The following FRMPD2 variants were observed in gnomAD, a reference collection of about 807,000 sequenced individuals.
The protein encoded by FRMPD2 is FERM and PDZ domain-containing protein 2.
In FRMPD2, 96 loss-of-function variants were observed where a neutral mutation model predicts 140.1. That is an observed-to-expected ratio of 0.69 (90% CI 0.58 to 0.81). The LOEUF (loss-of-function observed/expected upper bound fraction) is 0.81, where lower values mean the gene tolerates loss of function less well. Among genes scored for constraint, FRMPD2 ranks in the 40% least tolerant of loss-of-function variants. FRMPD2 has a pLI of 0.00. For missense variants in FRMPD2, 1,240 were observed against 1,447.4 expected, an observed-to-expected ratio of 0.86 and a Z score of 2.32; for synonymous variants, 449 against 547.6, an observed-to-expected ratio of 0.82 and a Z score of 2.52.
At chr10:48,231,178 C>T (rs1564433016) in intron 10 of FRMPD2, among the ~76,000 whole-genome samples, 1 of 152,204 alleles carries the variant, frequency 6.6e-6, no homozygotes, top group Non-Finnish European at 1.5e-5. Flanking sequence ...AGAGCAATAA[C>T]TTGATCAAAA....
chr10:48,201,325 A>C lies in FRMPD2; in HGVS notation c.1857T>G (p.Asp619Glu), dbSNP rs1432951497. The part of the protein sequence containing the change: ...VTGKKHTFVT[D>E]SAKTSKYLLD... ...GTAAGTATTTACTGGTCTTGGCTGAATCTGTGACAAATGTGTGCTTCTTCC... is the reference window on the plus strand; with the variant it reads ...GTAAGTATTTACTGGTCTTGGCTGACTCTGTGACAAATGTGTGCTTCTTCC... Residue 619 changes from aspartate (D) to glutamate (E), a missense_variant, in exon 15 of 29, where the codon GAT becomes GAG. Physicochemically the swap from Asp to Glu is conservative, Grantham distance 45. Around this residue, in one of 6 missense-constraint regions of FRMPD2, gnomAD observed 1,161 missense variants for 1,055.9 expected, o/e 1.10. Transcript: ENST00000374201. The C allele has an allele frequency of 6.2e-7, 1 of 1,613,840 alleles. No individual in the cohort carries two copies. Among genetic ancestry groups the C allele is most frequent in the East Asian group, 2.2e-5 (1 of 44,898 alleles).
chr10:48,167,496 C>A (rs1838126922), intron 27 of FRMPD2, among the ~76,000 whole-genome samples: 1 of 94,186 alleles, frequency 1.1e-5, no homozygotes, highest in Admixed American at 1.2e-4. Context: ...CATCTCTGCT[C>A]CAGGGCTCCC....
Position 48,211,973 on chromosome 10 carries a change from G to C in FRMPD2, c.1592C>G (p.Ala531Gly). The stretch of plus-strand genomic sequence containing the variant: ...CCTTACCCTCAAGAACTTCAGCTCA[G>C]CATCCTCTCCCCACAGTGCAGAGCT... ...RLSSALWGED[A>G]ELKFLRVTQQ... Residue 531 changes from alanine (A) to glycine (G), a missense_variant, in exon 13 of 29, where the codon GCT becomes GGT. Ala to Gly is a moderately conservative substitution (Grantham distance 60, BLOSUM62 0). Around this residue, in one of 6 missense-constraint regions of FRMPD2, gnomAD observed 1,161 missense variants for 1,055.9 expected, o/e 1.10. Coordinates refer to ENST00000374201, the MANE Select transcript of FRMPD2 (RefSeq NM_001018071.4). 6.2e-7 allele frequency: 1 copy of C among 1,613,772 alleles called. No individual in the cohort carries two copies. Among genetic ancestry groups the C allele is most frequent in the South Asian group, 1.1e-5 (1 of 90,966 alleles).
chr10:48,272,013 T>C (rs1036946137), intron 1 of FRMPD2, among the ~76,000 whole-genome samples: 6 of 151,880 alleles, frequency 4.0e-5, no homozygotes. Context: ...AAAACTGGGG[T>C]TTCAGACCAG....
At chr10:48,253,681 C>T (rs1467388320) in intron 1 of FRMPD2, among the ~76,000 whole-genome samples, 4 of 151,712 alleles carry the variant, frequency 2.6e-5, no homozygotes, top group Non-Finnish European at 5.9e-5. Flanking sequence ...GCTAGCACAC[C>T]CTTCCCTCCG....
chr10:48,252,491 G>T (rs927641083), intron 1 of FRMPD2, among the ~76,000 whole-genome samples: 11 of 151,960 alleles, frequency 7.2e-5, no homozygotes, highest in African/African-American at 2.7e-4. Flanking sequence ...AGCAGGGCGG[G>T]TGTGCAGTGT....
rs116239288 is a variant in FRMPD2 at position 48,209,732 on chromosome 10, T to C, written c.1611+2222A>G. 5.7e-3 allele frequency among the ~76,000 whole-genome samples: 871 copies of C among 152,332 alleles called. 8 individuals carry two copies. The highest frequency in any genetic ancestry group is 0.02 in the African/African-American group (825 of 41,574). ...TATCAACAACGTTCAAAATGTTTAT[T>C]ACCTTCCACCCTGTAATTCCACTTA... is the stretch of plus-strand genomic sequence containing the variant. On this transcript the variant is annotated intron_variant, in intron 13 of 28. Transcript: ENST00000374201.
chr10:48,207,053 G>A, intron 13 of FRMPD2, 120 bp from the exon 14 acceptor site: 2 of 858,804 alleles, frequency 2.3e-6, no homozygotes, highest in South Asian at 2.4e-5. Context: ...GAGTAGAATT[G>A]TCATGTAAGT....
chr10:48,219,284 G>T (rs1424440069), intron 12 of FRMPD2, among the ~76,000 whole-genome samples: 2 of 150,210 alleles, frequency 1.3e-5, no homozygotes, highest in Non-Finnish European at 1.5e-5. Context: ...TCCTCTTGAA[G>T]AAGACCATCT....
intron 10 of FRMPD2, among the ~76,000 whole-genome samples, chr10:48,224,531 C>A (rs1183078432): frequency 2.0e-5 from 3 of 152,234 alleles, no homozygotes; most frequent in Non-Finnish European, 4.4e-5. Context: ...CCACCTGCCT[C>A]TGCCCTTACT....
chr10:48,161,292 A>G (rs1426296904), intron 28 of FRMPD2, among the ~76,000 whole-genome samples: 1 of 150,654 alleles, frequency 6.6e-6, no homozygotes, highest in Admixed American at 6.6e-5. Flanking sequence ...TCCAAGAATG[A>G]CAGATTTTGG....
In FRMPD2 at chr10:48,241,606, G is replaced by T. The variant is rs112842573; in HGVS notation, c.567+555C>A. Among the ~76,000 whole-genome samples the T allele has an allele frequency of 6.0e-4, 91 of 152,322 alleles. 1 individual carries two copies. Among genetic ancestry groups the T allele is most frequent in the African/African-American group, 2.1e-3 (87 of 41,576 alleles). On this transcript the variant is annotated intron_variant, in intron 5 of 28. Coordinates refer to ENST00000374201, the MANE Select transcript of FRMPD2 (RefSeq NM_001018071.4). ...CTTGCACAAGAATCCCTGTCTCTGG[G>T]TTAGCTTGGAGGGAATCCAACCTAA...
intron 28 of FRMPD2, chr10:48,159,247 T>A (rs1837870152): frequency 2.2e-6 from 1 of 455,440 alleles, no homozygotes; most frequent in Admixed American, 2.4e-5. Flanking sequence ...CTCTAAGACA[T>A]CAAAGTAAAC....
intron 5 of FRMPD2, among the ~76,000 whole-genome samples, chr10:48,241,823 A>C (rs1310337669): frequency 6.6e-6 from 1 of 152,204 alleles, no homozygotes; most frequent in East Asian, 1.9e-4. Context: ...AATTTTGATA[A>C]GAAAACTGAA....
At chr10:48,252,121 A>G (rs1814505793) in intron 1 of FRMPD2, among the ~76,000 whole-genome samples, 1 of 152,066 alleles carries the variant, frequency 6.6e-6, no homozygotes, top group African/African-American at 2.4e-5. Context: ...CGTGATTCAC[A>G]TCTTTCATCT....
rs201700068 is a variant in FRMPD2, at chr10:48,237,051, G to C, written c.922-498C>G. On this transcript the variant is annotated intron_variant, in intron 8 of 28. Coordinates refer to ENST00000374201, the MANE Select transcript of FRMPD2 (RefSeq NM_001018071.4). ...ACACTGCAATACCCATCACTAGCTA[G>C]ACCCAGCTATCCCCCTGTGGGGTGC... 2.6e-5 allele frequency among the ~76,000 whole-genome samples: 4 copies of C among 151,460 alleles called. No homozygotes were observed. The East Asian group carries it at 7.8e-4, about 29-fold the overall frequency.
intron 14 of FRMPD2, 31 bp from the exon 15 acceptor site, chr10:48,201,415 C>G: frequency 6.2e-7 from 1 of 1,607,642 alleles, no homozygotes; most frequent in African/African-American, 1.3e-5. Flanking sequence ...CTTTAATACA[C>G]TGATCATCCA....
chr10:48,226,335 C>T (rs1010598703), intron 10 of FRMPD2, among the ~76,000 whole-genome samples: 1 of 152,186 alleles, frequency 6.6e-6, no homozygotes, highest in Non-Finnish European at 1.5e-5. Context: ...ACAATTCCTC[C>T]TCCTCTTTGT....
chr10:48,231,906 A>C (rs956851652), intron 10 of FRMPD2, among the ~76,000 whole-genome samples: 2 of 152,078 alleles, frequency 1.3e-5, no homozygotes, highest in Non-Finnish European at 2.9e-5. Flanking sequence ...CACATCTTAC[A>C]CTCATTATTT....
Sources: allele counts gnomAD v4.1 joint callset (sites outside exome capture counted in the v4.1 genomes callset), GRCh38; gene constraint gnomAD v4.1.1; regional missense constraint gnomAD v4.1.1; transcripts MANE v1.5; gene names NCBI Gene and HGNC (gene_info 2026-07-23, HGNC 2026-07-21).